Variants in SEZ6L observed in about 807,000 individuals in gnomAD.
SEZ6L encodes seizure related 6 homolog like, also known as seizure 6-like protein.
In SEZ6L, 37 loss-of-function variants were observed where a neutral mutation model predicts 106.2. The observed-to-expected ratio is 0.35, with a 90% CI of 0.27 to 0.46. The LOEUF (loss-of-function observed/expected upper bound fraction) is 0.46. Among genes scored for constraint, SEZ6L ranks in the 20% least tolerant of loss-of-function variants. SEZ6L has a pLI of 1.00. For missense variants in SEZ6L, 1,172 were observed against 1,332.8 expected, an observed-to-expected ratio of 0.88 and a Z score of 1.88; for synonymous variants, 541 against 570.4, an observed-to-expected ratio of 0.95 and a Z score of 0.73.
intron 1 of SEZ6L, among the ~76,000 whole-genome samples, chr22:26,287,156 G>A (rs2080962822): frequency 6.6e-6 from 1 of 151,248 alleles, no homozygotes. Flanking sequence ...ATACGCTGCT[G>A]CCCCAACTTG....
intron 5 of SEZ6L, among the ~76,000 whole-genome samples, chr22:26,303,806 T>C (rs569192337): frequency 9.7e-4 from 148 of 152,172 alleles, no homozygotes; most frequent in Non-Finnish European, 1.9e-3. Flanking sequence ...CCAAATAACC[T>C]GTCCCACTTT....
chr22:26,223,427 A>G (rs982894185), intron 1 of SEZ6L, among the ~76,000 whole-genome samples: 24 of 152,278 alleles, frequency 1.6e-4, no homozygotes, highest in African/African-American at 5.8e-4. Context: ...AACACAGTCT[A>G]TTTTTAATTA....
At position 26,350,211 on chromosome 22, in the gene SEZ6L, C is replaced by CATATAT. The variant is rs34286571; in HGVS notation, c.2408-828_2408-823dup. 5.5e-5 allele frequency among the ~76,000 whole-genome samples: 8 copies of CATATAT among 145,652 alleles called. No individual in the cohort carries two copies. The South Asian group carries it at 6.4e-4, about 12-fold the overall frequency. On this transcript the variant is annotated intron_variant, in intron 11 of 16. Coordinates refer to ENST00000248933, the MANE Select transcript of SEZ6L (RefSeq NM_021115.5). ...GTGTGTGTGTATATATATATATACA[C>CATATAT]ATATATATATATATATATTTATATG...
At chr22:26,225,536 A>G (rs905733818) in intron 1 of SEZ6L, among the ~76,000 whole-genome samples, 1 of 152,210 alleles carries the variant, frequency 6.6e-6, no homozygotes, top group Non-Finnish European at 1.5e-5. Context: ...GAGGAGAGGA[A>G]TTAGATGACT....
At chr22:26,272,233 T>C (rs1038118039) in intron 1 of SEZ6L, among the ~76,000 whole-genome samples, 3 of 152,230 alleles carry the variant, frequency 2.0e-5, no homozygotes, top group South Asian at 4.1e-4. Context: ...TAGCTATTTA[T>C]CTAGGTCCTA....
At chr22:26,310,126 A>C (rs904290810) in intron 6 of SEZ6L, among the ~76,000 whole-genome samples, 1 of 152,230 alleles carries the variant, frequency 6.6e-6, no homozygotes, top group African/African-American at 2.4e-5. Context: ...CATCATATAC[A>C]TTACTCTCCC....
chr22:26,306,199 T>C, intron 6 of SEZ6L, 55 bp downstream of exon 6: 14 of 1,579,578 alleles, frequency 8.9e-6, no homozygotes, highest in Non-Finnish European at 1.2e-5. Context: ...TATTAGAACA[T>C]GGCTTGAGGA....
intron 1 of SEZ6L, among the ~76,000 whole-genome samples, chr22:26,215,996 C>T (rs1482306355): frequency 1.3e-5 from 2 of 152,226 alleles, no homozygotes; most frequent in East Asian, 1.9e-4. Flanking sequence ...TATTGCATGA[C>T]GGGAGCACTA....
chr22:26,309,044 T>C (rs2145918808), intron 6 of SEZ6L, among the ~76,000 whole-genome samples: 1 of 152,274 alleles, frequency 6.6e-6, no homozygotes. Flanking sequence ...ATAAACAAAC[T>C]GTGGCTGCAA....
At chr22:26,247,326 C>T (rs2079391127) in intron 1 of SEZ6L, among the ~76,000 whole-genome samples, 1 of 152,110 alleles carries the variant, frequency 6.6e-6, no homozygotes, top group Non-Finnish European at 1.5e-5. Flanking sequence ...CAAATAGTGT[C>T]CCCACCCTCC....
At chr22:26,192,305 T>TATTGGTTTA (rs1940272331) in intron 1 of SEZ6L, among the ~76,000 whole-genome samples, 1 of 152,248 alleles carries the variant, frequency 6.6e-6, no homozygotes, top group Non-Finnish European at 1.5e-5. Context: ...TGGTTTGATC[T>TATTGGTTTA]AAGCAGTATT....
At chr22:26,275,959 C>A (rs1426233982) in intron 1 of SEZ6L, among the ~76,000 whole-genome samples, 1 of 152,150 alleles carries the variant, frequency 6.6e-6, no homozygotes, top group Non-Finnish European at 1.5e-5. Context: ...AGACATGGAG[C>A]AAATACAGCC....
chr22:26,383,356 C>T lies in SEZ6L; in HGVS notation c.*3061C>T, dbSNP rs535198827. On this transcript the variant is annotated 3_prime_UTR_variant, in exon 17 of 17. Coordinates refer to ENST00000248933, the MANE Select transcript of SEZ6L (RefSeq NM_021115.5). ...ACGGGCCTCAGGCAAAAATGCCCTT[C>T]GAGTGAATCCGAAGGGCATGATCTT... is the stretch of plus-strand genomic sequence containing the variant. 5.3e-5 allele frequency: 8 copies of T among 152,030 alleles called. No homozygotes were observed. Among genetic ancestry groups the T allele is most frequent in the East Asian group, 3.9e-4 (2 of 5,140 alleles). 9.4% of individuals were successfully genotyped at this position (152,030 alleles called of 1,614,324 possible).
chr22:26,191,982 C>T (rs12483957), intron 1 of SEZ6L, among the ~76,000 whole-genome samples: 7,260 of 86,662 alleles, frequency 0.084, 335 homozygotes, highest in East Asian at 0.23. Flanking sequence ...GTCACTCCAT[C>T]CATCCATCCA....
chr22:26,324,586 C>T (rs2082254245), intron 9 of SEZ6L, among the ~76,000 whole-genome samples: 2 of 152,136 alleles, frequency 1.3e-5, no homozygotes. Flanking sequence ...TTGAGGACAA[C>T]GTTAGCCCTG....
Position 26,310,760 on chromosome 22 carries a change from C to A in SEZ6L, c.1605C>A (p.Ser535Arg). 1.2e-6 allele frequency: 2 copies of A among 1,614,144 alleles called. No individual in the cohort carries two copies. Among genetic ancestry groups the A allele is most frequent in the Non-Finnish European group, 1.7e-6 (2 of 1,180,016 alleles). ...GTGTCCCTTTTGAGGGCCTGCTGAG[C>A]GAAGGCAACACCATCCGCATCGAGT... Reference protein sequence around the residue: ...TESVPFEGLLSEGNTIRIEFT... With the variant: ...TESVPFEGLLREGNTIRIEFT... The change falls in exon 7 of 17, where the codon AGC becomes AGA. Residue 535 changes from serine (S) to arginine (R), a missense_variant. Transcript: ENST00000248933.
At chr22:26,219,256 T>C (rs75990294) in intron 1 of SEZ6L, among the ~76,000 whole-genome samples, 9 of 53,476 alleles carry the variant, frequency 1.7e-4, no homozygotes, top group African/African-American at 5.9e-4. Context: ...AAATACAAGT[T>C]TTTTTTTTTT....
Position 26,297,153 on chromosome 22 carries a change from C to A in SEZ6L, c.1162+73C>A, listed in dbSNP as rs1483711243. The A allele has an allele frequency of 3.8e-6, 5 of 1,320,712 alleles. No individual in the cohort carries two copies. The Admixed American group carries it at 1.4e-4, about 37-fold the overall frequency. The allele number at this position is 1,320,712 out of a possible 1,614,324, so 81.8% of individuals were successfully genotyped here. On this transcript the variant is annotated intron_variant, in intron 4 of 16. Coordinates refer to ENST00000248933, the MANE Select transcript of SEZ6L (RefSeq NM_021115.5). ...CCCTCTGGAGAAAAGGATTTTAAAA[C>A]TTTTTGTGCCAGGGACCTCTCTGAC...
Position 26,373,486 on chromosome 22 carries a change from G to T in SEZ6L, c.2827+3G>T. ...CAGTTTTGAACATGCTTTAGAAGGT[G>T]AGTTCCAGAACGAAAAAAAAAAAAG... On this transcript the variant is annotated splice_donor_region_variant and intron_variant, in intron 14 of 16. Coordinates refer to ENST00000248933, the MANE Select transcript of SEZ6L (RefSeq NM_021115.5). 6.4e-7 allele frequency: 1 copy of T among 1,572,192 alleles called. No individual in the cohort carries two copies.
Sources: allele counts gnomAD v4.1 joint callset (sites outside exome capture counted in the v4.1 genomes callset), GRCh38; gene constraint gnomAD v4.1.1; transcripts MANE v1.5; gene names NCBI Gene and HGNC (gene_info 2026-07-23, HGNC 2026-07-21).